TGM3: variants seen among roughly 807,000 people sequenced by gnomAD.
TGM3 encodes the protein transglutaminase 3, also known as protein-glutamine gamma-glutamyltransferase E.
TGM3 carries 52 observed loss-of-function variants against 73.8 expected under a neutral mutation model. The ratio of observed to expected loss-of-function variants is 0.70; its 90% CI spans 0.56 to 0.89. TGM3 has a LOEUF of 0.89. TGM3 is among the 40% of genes least tolerant of loss of function. The pLI, the probability that TGM3 is intolerant of heterozygous loss-of-function variation, is 0.00. For synonymous variants in TGM3, 372 were observed against 354.9 expected (o/e 1.05, Z -0.54); for missense variants, 928 against 909.9 (o/e 1.02, Z -0.26).
chr20:2,309,345 G>T (rs964754080), intron 1 of TGM3, among the ~76,000 whole-genome samples: 2 of 152,194 alleles, frequency 1.3e-5, no homozygotes, highest in Non-Finnish European at 2.9e-5. Flanking sequence ...GCAGATGGAG[G>T]GGGGAAAGAC....
At chr20:2,331,824 A>C (rs1015833049) in intron 9 of TGM3, among the ~76,000 whole-genome samples, 178 bp from the exon 10 acceptor site, 1 of 152,202 alleles carries the variant, frequency 6.6e-6, no homozygotes, top group Non-Finnish European at 1.5e-5. Flanking sequence ...CCAGAGACCA[A>C]CTGGTCTGTG....
chr20:2,334,981 A>G lies in TGM3; in HGVS notation c.1643-135A>G, dbSNP rs1307613628. ...GACGCTTCCCACAGGACCTGGCCCA[A>G]GGAGGGCTCAGTCAAGCCCGGGGCT... On this transcript the variant is annotated intron_variant, in intron 10 of 12. Coordinates refer to ENST00000381458, the MANE Select transcript of TGM3 (RefSeq NM_003245.4). This position sits in a 1 kb window ranked among gnomAD's most constrained non-coding sequence, Gnocchi z 4.0. The G allele has an allele frequency of 8.0e-6, 9 of 1,129,740 alleles. No individual in the cohort carries two copies. The highest frequency in any genetic ancestry group is 8.9e-6 in the Non-Finnish European group (7 of 785,364). The allele number at this position is 1,129,740 out of a possible 1,614,324, so 70.0% of individuals were successfully genotyped here.
rs1239884718 is a variant in TGM3 at position 2,332,010 on chromosome 20, C to T, written c.1342C>T (p.Gln448Ter). 1 of 1,603,598 alleles carries T rather than the reference C, an allele frequency of 6.2e-7. No individual in the cohort carries two copies. Among genetic ancestry groups the T allele is most frequent in the Non-Finnish European group, 8.5e-7 (1 of 1,174,264 alleles). Residue 448 changes from glutamine to a stop codon, truncating the protein, a stop_gained, in exon 10 of 13, where the codon CAG becomes TAG. Coordinates refer to ENST00000381458, the MANE Select transcript of TGM3 (RefSeq NM_003245.4). LOFTEE classifies it high-confidence loss of function. The surrounding 1 kb of genome is among the most constrained non-coding windows in gnomAD (Gnocchi z 4.4). ...CTTTTCCCACCACACAGGCTCTGAC[C>T]AGGAAAGACAAGTGTTCCAAAAGGC... ...DKYKYPEGSDQERQVFQKALG... is the reference protein window; with the variant it reads ...DKYKYPEGSD
chr20:2,339,445 T>TG (rs1211066059), intron 11 of TGM3, among the ~76,000 whole-genome samples: 6 of 152,168 alleles, frequency 3.9e-5, no homozygotes, highest in Non-Finnish European at 8.8e-5. Flanking sequence ...GAGGCCAGCC[T>TG]GGGCAACACA....
intron 7 of TGM3, among the ~76,000 whole-genome samples, chr20:2,317,922 C>CATATAT (rs58550267): frequency 5.6e-5 from 8 of 143,058 alleles, no homozygotes; most frequent in African/African-American, 2.1e-4. Flanking sequence ...CTTCTCTTAG[C>CATATAT]ATATATATAT....
rs1472560274 is a variant in TGM3 at position 2,328,618 on chromosome 20, C to A, written c.1333+253C>A. 6.6e-6 allele frequency among the ~76,000 whole-genome samples: 1 copy of A among 152,230 alleles called. No homozygotes were observed. The highest frequency in any genetic ancestry group is 1.5e-5 in the Non-Finnish European group (1 of 68,038). ...AGGTGGCTGTCAACCCAGCCCATCT[C>A]CAGCTGTGTCCCTGTCTCAACTACA... is the stretch of plus-strand genomic sequence containing the variant. On this transcript the variant is annotated intron_variant, in intron 9 of 12. Coordinates refer to ENST00000381458, the MANE Select transcript of TGM3 (RefSeq NM_003245.4). This position sits in a 1 kb window ranked among gnomAD's most constrained non-coding sequence, Gnocchi z 5.2.
chr20:2,332,916 G>T lies in TGM3; in HGVS notation c.1642+606G>T, dbSNP rs967947850. Among the ~76,000 whole-genome samples the T allele has an allele frequency of 3.3e-5, 5 of 152,192 alleles. No homozygotes were observed. The highest frequency in any genetic ancestry group is 7.3e-5 in the Non-Finnish European group (5 of 68,044). On this transcript the variant is annotated intron_variant, in intron 10 of 12. Coordinates refer to ENST00000381458, the MANE Select transcript of TGM3 (RefSeq NM_003245.4). The surrounding 1 kb of genome is among the most constrained non-coding windows in gnomAD (Gnocchi z 4.4). The stretch of plus-strand genomic sequence containing the variant: ...CCCATGGCCCTCCCACAGCTGCCAC[G>T]GGGTGGGTGGACCTTCTGGAATCCT...
At chr20:2,314,937 C>T (rs1046126727) in intron 5 of TGM3, among the ~76,000 whole-genome samples, 4 of 152,044 alleles carry the variant, frequency 2.6e-5, no homozygotes, top group Non-Finnish European at 2.9e-5. Context: ...GATAAATATC[C>T]GGGGTGCATC....
At chr20:2,336,735 G>A (rs1289084051) in intron 11 of TGM3, among the ~76,000 whole-genome samples, 2 of 151,796 alleles carry the variant, frequency 1.3e-5, no homozygotes, top group African/African-American at 2.4e-5. Context: ...GGGCTGAGAA[G>A]GGCAGTCGTT....
intron 3 of TGM3, 54 bp from the exon 4 acceptor site, chr20:2,310,957 C>A: frequency 6.7e-7 from 1 of 1,496,544 alleles, no homozygotes; most frequent in Admixed American, 1.7e-5. Flanking sequence ...AGGAACGATC[C>A]CTACAGTCCT....
At chr20:2,297,435 C>T (rs895911279) in intron 1 of TGM3, among the ~76,000 whole-genome samples, 9 of 152,132 alleles carry the variant, frequency 5.9e-5, no homozygotes, top group Admixed American at 5.9e-4. Context: ...CTTCCAGTAC[C>T]GACTTTTCTT....
At chr20:2,326,068 A>G in intron 8 of TGM3, 116 bp downstream of exon 8, 1 of 1,028,524 alleles carries the variant, frequency 9.7e-7, no homozygotes, top group Non-Finnish European at 1.4e-6. Flanking sequence ...TGATGGGATT[A>G]AAACAAAAAT....
At chr20:2,313,997 C>T (rs2122224010) in intron 5 of TGM3, among the ~76,000 whole-genome samples, 1 of 130,320 alleles carries the variant, frequency 7.7e-6, no homozygotes, top group East Asian at 2.5e-4. Flanking sequence ...AAAACCCTGT[C>T]TCTACAACAA....
intron 1 of TGM3, among the ~76,000 whole-genome samples, chr20:2,299,480 T>G (rs1332825420): frequency 6.6e-6 from 1 of 152,110 alleles, no homozygotes; most frequent in Non-Finnish European, 1.5e-5. Context: ...GCAATCATTC[T>G]CCTCCCCAGG....
At chr20:2,319,882 T>A (rs2084254010) in intron 7 of TGM3, among the ~76,000 whole-genome samples, 1 of 152,238 alleles carries the variant, frequency 6.6e-6, no homozygotes. Context: ...AGGCAATTTA[T>A]CCTCCTGGTC....
At chr20:2,312,352 A>G (rs549737803) in intron 4 of TGM3, among the ~76,000 whole-genome samples, 8 of 144,634 alleles carry the variant, frequency 5.5e-5, no homozygotes, top group East Asian at 4.2e-4. Context: ...AGCCGAGATC[A>G]TACCACTGCA....
rs754768359 is a variant in TGM3, at chr20:2,340,023, CG to C, written c.1934+39del. The stretch of plus-strand genomic sequence containing the variant: ...GGCCTAAGTGGCCGGTGCAGGAGGG[CG>C]GGAGGGGGCGGGGGGGCCCTCCAGA... On this transcript the variant is annotated intron_variant, in intron 12 of 12. Coordinates refer to ENST00000381458, the MANE Select transcript of TGM3 (RefSeq NM_003245.4). 2.5e-5 allele frequency: 3 copies of C among 121,154 alleles called. No homozygotes were observed. In the East Asian group the frequency reaches 6.9e-4, roughly 28 times the overall value. 7.5% of individuals were successfully genotyped at this position (121,154 alleles called of 1,614,324 possible).
chr20:2,332,250 G>A lies in TGM3; in HGVS notation c.1582G>A (p.Gly528Ser), dbSNP rs971363289. ...NMTAWTIIYN[G>S]TLVHEVWKDS... ...GACAGCCTGGACCATCATCTACAACGGCACGCTTGTACATGAAGTGTGGAA... is the reference window on the plus strand; with the variant it reads ...GACAGCCTGGACCATCATCTACAACAGCACGCTTGTACATGAAGTGTGGAA... The change falls in exon 10 of 13, where the codon GGC becomes AGC. Residue 528 changes from glycine (G) to serine (S), a missense_variant. Coordinates refer to ENST00000381458, the MANE Select transcript of TGM3 (RefSeq NM_003245.4). This position sits in a 1 kb window ranked among gnomAD's most constrained non-coding sequence, Gnocchi z 4.4. 3.7e-6 allele frequency: 6 copies of A among 1,613,690 alleles called. No homozygotes were observed. The highest frequency in any genetic ancestry group is 1.6e-4 in the Middle Eastern group (1 of 6,084).
rs1359173263 is a variant in TGM3, at chr20:2,334,936, G to C, written c.1643-180G>C. Among the ~76,000 whole-genome samples, 1 of 152,082 alleles carries C rather than the reference G, an allele frequency of 6.6e-6. No individual in the cohort carries two copies. Among genetic ancestry groups the C allele is most frequent in the African/African-American group, 2.4e-5 (1 of 41,414 alleles). On this transcript the variant is annotated intron_variant, in intron 10 of 12. Transcript: ENST00000381458. This position sits in a 1 kb window ranked among gnomAD's most constrained non-coding sequence, Gnocchi z 4.0. ...CTGGGGCCTCTTTGCCCCCTGCTCT[G>C]GAGCCCACCCTGACCGGGGGACGCT...
Sources: gnomAD v4.1 joint callset for allele counts (sites outside exome capture counted in the v4.1 genomes callset) on GRCh38, gnomAD v4.1.1 for gene constraint, Gnocchi (gnomAD v3.1) non-coding constraint, MANE v1.5 for transcripts, NCBI Gene and HGNC (gene_info 2026-07-23, HGNC 2026-07-21) for gene names.